Variants in GRIA2 observed in about 807,000 individuals in gnomAD.
GRIA2 encodes glutamate receptor 2.
In GRIA2, 14 loss-of-function variants were observed where a neutral mutation model predicts 97.3. The ratio of observed to expected loss-of-function variants is 0.14; its 90% CI spans 0.10 to 0.23. The LOEUF is 0.23. GRIA2 is among the 10% of genes least tolerant of loss of function. The pLI, the probability that GRIA2 is intolerant of heterozygous loss-of-function variation, is 1.00. For missense variants in GRIA2, 558 were observed against 1,069.8 expected (o/e 0.52, Z 6.67); for synonymous variants, 412 against 387.8 (o/e 1.06, Z -0.73).
At chr4:157,273,590 G>T (rs1732136518) in intron 2 of GRIA2, among the ~76,000 whole-genome samples, 1 of 151,924 alleles carries the variant, frequency 6.6e-6, no homozygotes. Flanking sequence ...GAGAAATAAA[G>T]AATACCTTGA....
At chr4:157,278,129 A>C (rs1446837493) in intron 2 of GRIA2, among the ~76,000 whole-genome samples, 1 of 151,608 alleles carries the variant, frequency 6.6e-6, no homozygotes, top group Non-Finnish European at 1.5e-5. Context: ...TTTAAAGTTT[A>C]TGTGGAGAGA....
At chr4:157,314,705 G>T (rs909997399) in intron 4 of GRIA2, among the ~76,000 whole-genome samples, 1 of 152,064 alleles carries the variant, frequency 6.6e-6, no homozygotes, top group African/African-American at 2.4e-5. Flanking sequence ...AAAAGCAAAC[G>T]GGAATATATT....
intron 2 of GRIA2, among the ~76,000 whole-genome samples, chr4:157,273,999 G>A (rs539029692): frequency 6.8e-4 from 104 of 152,020 alleles, no homozygotes; most frequent in Non-Finnish European, 8.7e-4. Flanking sequence ...ACCTATAGAA[G>A]AGTAAATAAA....
intron 2 of GRIA2, among the ~76,000 whole-genome samples, chr4:157,252,881 T>C (rs1731077064): frequency 6.6e-6 from 1 of 152,058 alleles, no homozygotes; most frequent in Non-Finnish European, 1.5e-5. Context: ...ACATTTAAAA[T>C]TGCTATCTAG....
intron 11 of GRIA2, among the ~76,000 whole-genome samples, chr4:157,340,349 C>T (rs935559743): frequency 1.5e-4 from 23 of 151,692 alleles, no homozygotes; most frequent in African/African-American, 5.6e-4. Context: ...GTGCAGAATC[C>T]CATCAAATCT....
At chr4:157,230,480 A>G (rs1729952175) in intron 2 of GRIA2, among the ~76,000 whole-genome samples, 1 of 151,842 alleles carries the variant, frequency 6.6e-6, no homozygotes, top group East Asian at 1.9e-4. Flanking sequence ...AGAATTTGCA[A>G]CTCGAAATTA....
chr4:157,355,923 T>TATATATAAA (rs1736290151), intron 12 of GRIA2, among the ~76,000 whole-genome samples: 2 of 67,092 alleles, frequency 3.0e-5, no homozygotes, highest in Non-Finnish European at 5.0e-5. Flanking sequence ...ATTAATATAT[T>TATATATAAA]TATATATATT....
intron 4 of GRIA2, among the ~76,000 whole-genome samples, chr4:157,313,136 T>C (rs982925819): frequency 2.0e-5 from 3 of 152,142 alleles, no homozygotes; most frequent in African/African-American, 7.2e-5. Flanking sequence ...ATATGATAAA[T>C]GTTACCCTAA....
Position 157,312,690 on chromosome 4 carries a change from C to G in GRIA2, c.481C>G (p.Leu161Val), listed in dbSNP as rs1187275229. The change falls in exon 4 of 16, where the codon CTG becomes GTG. Residue 161 changes from leucine (L) to valine (V), a missense_variant. By Grantham distance (32) the Leu-to-Val change is conservative. Transcript: ENST00000264426. ...CTTTGCCTTCCTAGGCTTATCAACACTGCAAGCTGTGCTGGATTCTGCTGC... is the reference window on the plus strand; with the variant it reads ...CTTTGCCTTCCTAGGCTTATCAACAGTGCAAGCTGTGCTGGATTCTGCTGC... ...LYDSDRGLST[L>V]QAVLDSAAEK... 1 of 1,599,928 alleles carries G rather than the reference C, an allele frequency of 6.3e-7. No homozygotes were observed. The highest frequency in any genetic ancestry group is 8.5e-7 in the Non-Finnish European group (1 of 1,171,596).
chr4:157,355,918 T>C (rs1223841011), intron 12 of GRIA2, among the ~76,000 whole-genome samples: 217 of 21,566 alleles, frequency 0.01, 8 homozygotes, highest in African/African-American at 0.018. Flanking sequence ...TATATATTAA[T>C]ATATTTATAT....
chr4:157,289,422 A>G (rs963188534), intron 2 of GRIA2, among the ~76,000 whole-genome samples: 1 of 151,842 alleles, frequency 6.6e-6, no homozygotes, highest in Non-Finnish European at 1.5e-5. Flanking sequence ...CTTTGCGAAT[A>G]CTTGATGTAA....
intron 2 of GRIA2, among the ~76,000 whole-genome samples, chr4:157,263,065 C>T (rs999641546): frequency 6.6e-6 from 1 of 152,038 alleles, no homozygotes; most frequent in African/African-American, 2.4e-5. Flanking sequence ...TTAAATTTGT[C>T]AAGGTAAGCT....
At chr4:157,295,945 T>C (rs1469489902) in intron 2 of GRIA2, among the ~76,000 whole-genome samples, 2 of 152,162 alleles carry the variant, frequency 1.3e-5, no homozygotes, top group Admixed American at 1.3e-4. Context: ...TGGGAATTTT[T>C]CTCTATATTT....
chr4:157,331,971 A>G (rs1278017224), intron 6 of GRIA2, among the ~76,000 whole-genome samples: 2 of 152,058 alleles, frequency 1.3e-5, no homozygotes, highest in Admixed American at 1.3e-4. Flanking sequence ...CCGTACTCTT[A>G]GTACCTACAG....
intron 2 of GRIA2, among the ~76,000 whole-genome samples, chr4:157,297,529 G>GT (rs966195507): frequency 2.0e-5 from 3 of 152,072 alleles, no homozygotes; most frequent in African/African-American, 4.8e-5. Context: ...TATTTTTATC[G>GT]TTTTTTACAC....
At chr4:157,318,515 G>A (rs1042504237) in intron 5 of GRIA2, among the ~76,000 whole-genome samples, 15 of 152,044 alleles carry the variant, frequency 9.9e-5, no homozygotes, top group East Asian at 7.7e-4. Context: ...TCTCTGGGCC[G>A]TGGTCACTCA....
At chr4:157,272,585 A>G (rs1427910036) in intron 2 of GRIA2, among the ~76,000 whole-genome samples, 1 of 152,084 alleles carries the variant, frequency 6.6e-6, no homozygotes, top group Non-Finnish European at 1.5e-5. Context: ...CACCTTCTAG[A>G]GTTCTACCAG....
At chr4:157,327,588 T>C (rs1005692057) in intron 6 of GRIA2, among the ~76,000 whole-genome samples, 2 of 152,172 alleles carry the variant, frequency 1.3e-5, no homozygotes, top group African/African-American at 4.8e-5. Flanking sequence ...TGATTTTTAG[T>C]ATTTTTAATG....
At chr4:157,301,929 C>T (rs562786850) in intron 2 of GRIA2, among the ~76,000 whole-genome samples, 1 of 151,978 alleles carries the variant, frequency 6.6e-6, no homozygotes, top group African/African-American at 2.4e-5. Flanking sequence ...AATCCTAGCA[C>T]TTTGGGAGGC....
Sources: gnomAD v4.1 joint callset for allele counts (sites outside exome capture counted in the v4.1 genomes callset) on GRCh38, gnomAD v4.1.1 for gene constraint, MANE v1.5 for transcripts, NCBI Gene and HGNC (gene_info 2026-07-23, HGNC 2026-07-21) for gene names.